TNPO3: variants seen among roughly 807,000 people sequenced by gnomAD.
TNPO3 encodes the protein transportin-3.
TNPO3 carries 65 observed loss-of-function variants against 122.8 expected under a neutral mutation model. The ratio of observed to expected loss-of-function variants is 0.53; its 90% CI spans 0.43 to 0.65. The LOEUF (loss-of-function observed/expected upper bound fraction) is 0.65, where lower values mean the gene tolerates loss of function less well. Among genes scored for constraint, TNPO3 ranks in the 30% least tolerant of loss-of-function variants. The pLI is 0.00. For missense variants in TNPO3, 850 were observed against 1,136.7 expected (o/e 0.75, Z 3.63); for synonymous variants, 372 against 411.2 (o/e 0.90, Z 1.15).
At chr7:129,013,434 C>CA (rs3993440) in intron 4 of TNPO3, among the ~76,000 whole-genome samples, 2,321 of 127,666 alleles carry the variant, frequency 0.018, 30 homozygotes, top group South Asian at 0.023. Flanking sequence ...CAAATAATAG[C>CA]AAAAAAAAAA....
chr7:129,054,244 T>C (rs1477710881), intron 1 of TNPO3, among the ~76,000 whole-genome samples: 1 of 152,104 alleles, frequency 6.6e-6, no homozygotes, highest in Non-Finnish European at 1.5e-5. Flanking sequence ...AAATGCCAGA[T>C]GCAAGTCTTG....
chr7:128,980,001 C>G lies in TNPO3; in HGVS notation c.1890G>C (p.Gln630His), dbSNP rs773242792. The G allele has an allele frequency of 1.5e-5, 24 of 1,614,134 alleles. No homozygotes were observed. Among genetic ancestry groups the G allele is most frequent in the Non-Finnish European group, 1.9e-5 (23 of 1,180,008 alleles). Residue 630 changes from glutamine to histidine, a missense_variant, in exon 15 of 23, where the codon CAG becomes CAC. Physicochemically the swap from Gln to His is conservative, Grantham distance 24. Transcript: ENST00000265388. ...GTATGACTTTCTGACACGGATGAGT[C>G]TGTCCATTTTCCACAATGGGATTGG... ...RHTNPIVENGQTHPCQKVIQE... is the reference protein window; with the variant it reads ...RHTNPIVENGHTHPCQKVIQE...
intron 1 of TNPO3, among the ~76,000 whole-genome samples, chr7:129,048,286 T>TGGGAGGCCA (rs1005713535): frequency 1.3e-5 from 2 of 152,100 alleles, no homozygotes; most frequent in Non-Finnish European, 2.9e-5. Context: ...CCCAGCACTT[T>TGGGAGGCCA]GGGAGGCCAA....
intron 17 of TNPO3, among the ~76,000 whole-genome samples, 186 bp from the exon 18 acceptor site, chr7:128,975,148 A>G (rs550744253): frequency 1.1e-3 from 165 of 152,346 alleles, no homozygotes; most frequent in Non-Finnish European, 2.1e-3. Flanking sequence ...CAGTTGACAT[A>G]AACAGTTTTC....
intron 11 of TNPO3, among the ~76,000 whole-genome samples, chr7:128,987,608 C>T (rs1016515592): frequency 6.6e-6 from 1 of 152,056 alleles, no homozygotes; most frequent in Non-Finnish European, 1.5e-5. Context: ...GGGGACGGAG[C>T]CTCACTCTGT....
upstream of TNPO3, chr7:129,056,083 T>TG: frequency 8.7e-7 from 1 of 1,145,356 alleles, no homozygotes; most frequent in Non-Finnish European, 1.3e-6. Context: ...AAGAAATGTC[T>TG]GGGGGAGCTC....
intron 1 of TNPO3, among the ~76,000 whole-genome samples, chr7:129,032,197 A>T (rs902385185): frequency 6.6e-6 from 1 of 152,250 alleles, no homozygotes; most frequent in Non-Finnish European, 1.5e-5. Context: ...CAGGAAGGAA[A>T]CAACTTCAAA....
intron 21 of TNPO3, among the ~76,000 whole-genome samples, chr7:128,966,802 T>C (rs1162102057): frequency 6.6e-6 from 1 of 152,218 alleles, no homozygotes; most frequent in Non-Finnish European, 1.5e-5. Context: ...CAGGCAGATG[T>C]TCTGTTTGGA....
chr7:129,048,534 A>C (rs888564074), intron 1 of TNPO3, among the ~76,000 whole-genome samples: 1 of 152,204 alleles, frequency 6.6e-6, no homozygotes, highest in Non-Finnish European at 1.5e-5. Context: ...TGTCTCAAAA[A>C]ATAAATAAAC....
intron 5 of TNPO3, among the ~76,000 whole-genome samples, chr7:129,003,611 G>T (rs1273917162): frequency 6.6e-6 from 1 of 152,086 alleles, no homozygotes; most frequent in Non-Finnish European, 1.5e-5. Flanking sequence ...ACTACAGTGA[G>T]CTACAATCAT....
intron 22 of TNPO3, among the ~76,000 whole-genome samples, chr7:128,956,842 C>A (rs1393873802): frequency 1.3e-5 from 2 of 152,190 alleles, no homozygotes; most frequent in African/African-American, 4.8e-5. Flanking sequence ...ACTGGCACCA[C>A]ATATAACAGT....
At chr7:128,977,380 C>T (rs189210590) in intron 16 of TNPO3, among the ~76,000 whole-genome samples, 30 of 152,242 alleles carry the variant, frequency 2.0e-4, no homozygotes, top group Admixed American at 5.9e-4. Context: ...CGCCTAAATG[C>T]GAACATACAT....
chr7:128,967,531 AC>A (rs1798040920), intron 20 of TNPO3, 139 bp from the exon 21 acceptor site: 1 of 600,984 alleles, frequency 1.7e-6, no homozygotes, highest in Non-Finnish European at 3.0e-6. Flanking sequence ...AAAGGAATCA[AC>A]AAAAGTGCTC....
At chr7:128,997,039 T>G (rs920022821) in intron 8 of TNPO3, among the ~76,000 whole-genome samples, 1 of 152,142 alleles carries the variant, frequency 6.6e-6, no homozygotes, top group East Asian at 1.9e-4. Context: ...TTTCCCTAAA[T>G]AGACCTAACA....
chr7:129,018,292 T>A, intron 1 of TNPO3, 135 bp from the exon 2 acceptor site: 1 of 825,532 alleles, frequency 1.2e-6, no homozygotes, highest in Non-Finnish European at 1.8e-6. Context: ...AATTACCCAG[T>A]AATTCAGCCA....
At chr7:129,027,558 CAAAAAAAAAAA>C (rs71162549) in intron 1 of TNPO3, among the ~76,000 whole-genome samples, 71 of 8,964 alleles carry the variant, frequency 7.9e-3, no homozygotes, top group Middle Eastern at 0.071. Context: ...AAGACTGTCT[CAAAAAAAAAAA>C]AAAAAAAAAA....
chr7:129,008,221 A>G (rs1163590940), intron 4 of TNPO3, among the ~76,000 whole-genome samples: 1 of 151,486 alleles, frequency 6.6e-6, no homozygotes, highest in Non-Finnish European at 1.5e-5. Flanking sequence ...AAGTATTTGT[A>G]AAAAGTCATC....
intron 13 of TNPO3, 38 bp downstream of exon 13, chr7:128,984,130 T>C (rs1478565125): frequency 7.6e-7 from 1 of 1,311,858 alleles, no homozygotes; most frequent in Non-Finnish European, 1.1e-6. Context: ...CATGTAAACA[T>C]CTTATATTTG....
intron 8 of TNPO3, 91 bp downstream of exon 8, chr7:128,997,298 A>T: frequency 1.4e-6 from 2 of 1,449,782 alleles, no homozygotes; most frequent in Non-Finnish European, 9.4e-7. Flanking sequence ...GTGCCCAGCC[A>T]GGTTTATTAT....
Sources: gnomAD v4.1 joint callset for allele counts (sites outside exome capture counted in the v4.1 genomes callset) on GRCh38, gnomAD v4.1.1 for gene constraint, MANE v1.5 for transcripts, NCBI Gene and HGNC (gene_info 2026-07-23, HGNC 2026-07-21) for gene names.